The following STAG1 variants were observed in gnomAD, a reference collection of about 807,000 sequenced individuals.
STAG1 encodes the protein cohesin subunit SA-1.
STAG1 carries 26 observed loss-of-function variants against 170.9 expected under a neutral mutation model. The observed-to-expected ratio is 0.15, with a 90% CI of 0.11 to 0.21. STAG1 has a LOEUF of 0.21. Ranked by LOEUF, STAG1 falls within the 10% of genes least tolerant of loss-of-function variation. The probability of loss-of-function intolerance (pLI) is 1.00; values close to 1 mark genes in which losing one functional copy is unlikely to be tolerated. For missense variants in STAG1, 964 were observed against 1,509.5 expected (o/e 0.64, Z 5.99); for synonymous variants, 514 against 497.7 (o/e 1.03, Z -0.44).
chr3:136,740,409 A>G (rs936544889), intron 1 of STAG1, among the ~76,000 whole-genome samples: 2 of 152,232 alleles, frequency 1.3e-5, no homozygotes, highest in Non-Finnish European at 2.9e-5. Context: ...TAACACCAAC[A>G]TAACAATAAC....
In STAG1 at chr3:136,710,966, AC is replaced by A. The variant is rs913048395; in HGVS notation, c.-84+41228del. Among the ~76,000 whole-genome samples, 322 of 152,050 alleles carry A rather than the reference AC, an allele frequency of 2.1e-3. 2 individuals carry two copies. The highest frequency in any genetic ancestry group is 1.5e-3 in the Non-Finnish European group (101 of 67,982). The stretch of plus-strand genomic sequence containing the variant: ...GGAGATGCTTTAGACAATGACTTAA[AC>A]CTATTATAGAATATAATTTTTCACA... On this transcript the variant is annotated intron_variant, in intron 1 of 33. Coordinates refer to ENST00000383202, the MANE Select transcript of STAG1 (RefSeq NM_005862.3).
chr3:136,345,439 A>T (rs1196154768), intron 29 of STAG1, among the ~76,000 whole-genome samples: 1 of 149,860 alleles, frequency 6.7e-6, no homozygotes, highest in African/African-American at 2.4e-5. Context: ...CTGTCCTGAT[A>T]AAATATTACC....
At chr3:136,608,727 C>T (rs35849216) in intron 3 of STAG1, among the ~76,000 whole-genome samples, 13,258 of 140,220 alleles carry the variant, frequency 0.095, 768 homozygotes, top group Middle Eastern at 0.16. Context: ...TCGAATGAGC[C>T]GGGGAGGTGG....
intron 12 of STAG1, 71 bp downstream of exon 12, chr3:136,472,342 G>C: frequency 9.5e-7 from 1 of 1,055,514 alleles, no homozygotes; most frequent in East Asian, 2.5e-5. Context: ...TATATAGATA[G>C]GACATTAAAA....
intron 1 of STAG1, chr3:136,736,419 GAGGA>G: frequency 1.9e-6 from 2 of 1,034,276 alleles, no homozygotes; most frequent in Non-Finnish European, 3.0e-6. Flanking sequence ...GTGGAAGTGG[GAGGA>G]AAGAATGAGT....
At chr3:136,642,292 GAGA>G (rs1940835901) in intron 1 of STAG1, among the ~76,000 whole-genome samples, 1 of 25,370 alleles carries the variant, frequency 3.9e-5, no homozygotes, top group Non-Finnish European at 7.9e-5. Flanking sequence ...TTTTTTTTTT[GAGA>G]CATTCTTGCT....
intron 21 of STAG1, among the ~76,000 whole-genome samples, chr3:136,410,068 TAAAA>T (rs766763989): frequency 4.8e-4 from 45 of 93,062 alleles, no homozygotes; most frequent in African/African-American, 1.2e-3. Context: ...AGTCCTTGTC[TAAAA>T]AAAAAAAAAA....
chr3:136,448,223 A>C (rs2088840237), intron 14 of STAG1, among the ~76,000 whole-genome samples: 1 of 152,208 alleles, frequency 6.6e-6, no homozygotes, highest in African/African-American at 2.4e-5. Context: ...ATTTCAGTAA[A>C]ATAAAGAAAA....
intron 6 of STAG1, among the ~76,000 whole-genome samples, chr3:136,530,141 G>T (rs553268794): frequency 2.0e-5 from 3 of 152,068 alleles, no homozygotes; most frequent in Non-Finnish European, 4.4e-5. Flanking sequence ...AAAGACAAAG[G>T]TCATTATATA....
intron 1 of STAG1, among the ~76,000 whole-genome samples, chr3:136,704,199 C>T (rs1943160812): frequency 6.6e-6 from 1 of 151,486 alleles, no homozygotes; most frequent in African/African-American, 2.4e-5. Flanking sequence ...TACAGGAGTG[C>T]ACCACGACGC....
chr3:136,583,309 T>C (rs545120986), intron 4 of STAG1, among the ~76,000 whole-genome samples: 2 of 152,314 alleles, frequency 1.3e-5, no homozygotes, highest in Admixed American at 1.3e-4. Context: ...ACATGATGTA[T>C]TCTAGAACTC....
intron 29 of STAG1, among the ~76,000 whole-genome samples, chr3:136,347,394 T>G (rs1186961446): frequency 3.9e-5 from 1 of 25,468 alleles, no homozygotes; most frequent in African/African-American, 1.3e-4. Context: ...AGATCCTGTC[T>G]CAAAAAAAAA....
At chr3:136,747,108 A>AT (rs1423427307) in intron 1 of STAG1, among the ~76,000 whole-genome samples, 4 of 105,244 alleles carry the variant, frequency 3.8e-5, no homozygotes, top group African/African-American at 1.1e-4. Context: ...AAAAAAAAAA[A>AT]AAAAAAAAAA....
intron 1 of STAG1, among the ~76,000 whole-genome samples, chr3:136,638,132 T>C (rs932744502): frequency 6.7e-4 from 97 of 145,434 alleles, no homozygotes; most frequent in African/African-American, 2.5e-3. Context: ...TGCATTTTCT[T>C]TTTTTTTTTT....
chr3:136,429,486 T>A (rs1399653588), intron 16 of STAG1, among the ~76,000 whole-genome samples: 1 of 152,116 alleles, frequency 6.6e-6, no homozygotes, highest in Non-Finnish European at 1.5e-5. Context: ...TGGTACCAGA[T>A]GATGAGGAAG....
intron 14 of STAG1, among the ~76,000 whole-genome samples, chr3:136,443,972 T>C (rs1007323500): frequency 1.3e-5 from 2 of 152,232 alleles, no homozygotes; most frequent in Non-Finnish European, 2.9e-5. Flanking sequence ...ACAATTTTCT[T>C]TGGAGCCCAT....
At chr3:136,366,731 T>G (rs1433375762) in intron 25 of STAG1, among the ~76,000 whole-genome samples, 1 of 152,142 alleles carries the variant, frequency 6.6e-6, no homozygotes, top group Admixed American at 6.6e-5. Flanking sequence ...CTAGAAAGTA[T>G]GTTCTTTCAT....
At chr3:136,408,966 C>T (rs1700601088) in intron 21 of STAG1, among the ~76,000 whole-genome samples, 1 of 152,114 alleles carries the variant, frequency 6.6e-6, no homozygotes. Context: ...ATATAAATAA[C>T]ATAAATAGTA....
chr3:136,362,162 T>C (rs1332423921), intron 26 of STAG1, among the ~76,000 whole-genome samples: 1 of 151,562 alleles, frequency 6.6e-6, no homozygotes, highest in Non-Finnish European at 1.5e-5. Context: ...TTTCATCATG[T>C]TGACCAGGCT....
Sources: allele counts gnomAD v4.1 joint callset (sites outside exome capture counted in the v4.1 genomes callset), GRCh38; gene constraint gnomAD v4.1.1; transcripts MANE v1.5; gene names NCBI Gene and HGNC (gene_info 2026-07-23, HGNC 2026-07-21).